NEGR1: variants seen among roughly 807,000 people sequenced by gnomAD.
NEGR1 encodes the protein IgLON family member 4.
A neutral mutation model predicts 40.9 loss-of-function variants in NEGR1; 10 were observed. The ratio of observed to expected loss-of-function variants is 0.24; its 90% CI spans 0.15 to 0.42. The LOEUF is 0.42. Ranked by LOEUF, NEGR1 falls within the 10% of genes least tolerant of loss-of-function variation. NEGR1 has a pLI of 1.00. For synonymous variants in NEGR1, 185 were observed against 166.8 expected (o/e 1.11, Z -0.84); for missense variants, 352 against 438.9 (o/e 0.80, Z 1.77).
chr1:71,599,052 T>C (rs894352523), intron 5 of NEGR1, among the ~76,000 whole-genome samples: 1 of 152,222 alleles, frequency 6.6e-6, no homozygotes, highest in Non-Finnish European at 1.5e-5. Flanking sequence ...TCTGAATGAA[T>C]TATGTTTTTA....
chr1:71,790,893 G>A (rs1570350792), intron 2 of NEGR1, among the ~76,000 whole-genome samples: 1 of 152,000 alleles, frequency 6.6e-6, no homozygotes, highest in East Asian at 1.9e-4. Flanking sequence ...ATTAGCAACT[G>A]AAAAATGAGA....
intron 2 of NEGR1, among the ~76,000 whole-genome samples, chr1:71,804,665 A>G (rs1179394499): frequency 6.6e-6 from 1 of 152,218 alleles, no homozygotes; most frequent in East Asian, 1.9e-4. Flanking sequence ...GTGATTTCCT[A>G]TGCCTGTCTT....
At chr1:71,912,601 A>G (rs1212463544) in intron 2 of NEGR1, among the ~76,000 whole-genome samples, 2 of 152,140 alleles carry the variant, frequency 1.3e-5, no homozygotes, top group African/African-American at 4.8e-5. Context: ...TATGATTTGT[A>G]TGTCTTAAAG....
At chr1:72,188,043 T>C (rs1478392069) in intron 1 of NEGR1, among the ~76,000 whole-genome samples, 1 of 151,464 alleles carries the variant, frequency 6.6e-6, no homozygotes, top group African/African-American at 2.4e-5. Flanking sequence ...ATTCTAAGGA[T>C]TAGAATAGTT....
chr1:71,859,816 C>T (rs1006128019), intron 2 of NEGR1, among the ~76,000 whole-genome samples: 3 of 152,082 alleles, frequency 2.0e-5, no homozygotes, highest in African/African-American at 7.2e-5. Flanking sequence ...TGACACTCAA[C>T]AAAATTGTAT....
chr1:71,735,020 G>A (rs1224400304), intron 3 of NEGR1, among the ~76,000 whole-genome samples: 1 of 151,804 alleles, frequency 6.6e-6, no homozygotes, highest in African/African-American at 2.4e-5. Flanking sequence ...CTGTTACTCT[G>A]TTACTCCTTT....
intron 6 of NEGR1, among the ~76,000 whole-genome samples, chr1:71,449,615 T>A (rs1033724399): frequency 1.3e-5 from 2 of 152,230 alleles, no homozygotes; most frequent in Non-Finnish European, 1.5e-5. Flanking sequence ...TTAAATTATG[T>A]GCTAGTGTCA....
At chr1:71,644,290 G>A (rs1004532806) in intron 4 of NEGR1, among the ~76,000 whole-genome samples, 1 of 151,858 alleles carries the variant, frequency 6.6e-6, no homozygotes, top group African/African-American at 2.4e-5. Context: ...CTAGCTTCCT[G>A]CTTCCTTCTA....
chr1:71,951,688 C>T (rs1412482875), intron 1 of NEGR1, among the ~76,000 whole-genome samples: 1 of 151,868 alleles, frequency 6.6e-6, no homozygotes, highest in African/African-American at 2.4e-5. Flanking sequence ...GATAGAAGTA[C>T]AGGCATACCT....
intron 6 of NEGR1, among the ~76,000 whole-genome samples, chr1:71,482,132 C>T (rs965511479): frequency 3.3e-5 from 5 of 151,824 alleles, no homozygotes; most frequent in Admixed American, 6.6e-5. Context: ...TTTTAAAGCA[C>T]TGTTAACTCC....
intron 1 of NEGR1, among the ~76,000 whole-genome samples, chr1:72,048,093 A>G (rs996252532): frequency 6.6e-6 from 1 of 151,516 alleles, no homozygotes; most frequent in African/African-American, 2.4e-5. Context: ...TTTCTATTTC[A>G]CAACTTCCAC....
At chr1:71,758,885 C>T (rs1655835881) in intron 3 of NEGR1, among the ~76,000 whole-genome samples, 1 of 152,142 alleles carries the variant, frequency 6.6e-6, no homozygotes, top group African/African-American at 2.4e-5. Flanking sequence ...TAAAATTAGC[C>T]TTGATGAATA....
At chr1:71,583,855 TA>T (rs1649213417) in intron 6 of NEGR1, among the ~76,000 whole-genome samples, 1 of 151,838 alleles carries the variant, frequency 6.6e-6, no homozygotes, top group Non-Finnish European at 1.5e-5. Flanking sequence ...CCTCACTAAT[TA>T]AGCAGCTCCA....
chr1:72,045,261 G>A (rs935506474), intron 1 of NEGR1, among the ~76,000 whole-genome samples: 1 of 151,792 alleles, frequency 6.6e-6, no homozygotes, highest in African/African-American at 2.4e-5. Context: ...AGTATTATGA[G>A]ACAATCTTTA....
rs112435451 is a variant in NEGR1 at position 71,490,822 on chromosome 1, G to A, written c.941-83252C>T. 3.8e-4 allele frequency among the ~76,000 whole-genome samples: 58 copies of A among 152,048 alleles called. 1 individual carries two copies. Among genetic ancestry groups the A allele is most frequent in the Non-Finnish European group, 1.0e-4 (7 of 67,970 alleles). ...TAACGGCTGTTCACAGAACACAGCT[G>A]AAACACTGGACAGAACTGGCTCCTT... On this transcript the variant is annotated intron_variant, in intron 6 of 6. Coordinates refer to ENST00000357731, the MANE Select transcript of NEGR1 (RefSeq NM_173808.3).
intron 3 of NEGR1, among the ~76,000 whole-genome samples, chr1:71,712,007 A>G (rs1424691117): frequency 6.6e-6 from 1 of 152,216 alleles, no homozygotes; most frequent in African/African-American, 2.4e-5. Flanking sequence ...AGTTGTTCCA[A>G]GAGGGTGGAG....
intron 1 of NEGR1, among the ~76,000 whole-genome samples, chr1:72,013,416 A>G (rs1392270388): frequency 1.3e-5 from 2 of 152,114 alleles, no homozygotes; most frequent in Admixed American, 6.6e-5. Flanking sequence ...GTTCTGGGAG[A>G]GATCAGAGAG....
At chr1:71,670,789 A>G (rs753476116) in intron 4 of NEGR1, among the ~76,000 whole-genome samples, 4 of 152,050 alleles carry the variant, frequency 2.6e-5, no homozygotes, top group East Asian at 1.9e-4. Flanking sequence ...TTTCTGGCCC[A>G]TAGATATGTC....
intron 1 of NEGR1, among the ~76,000 whole-genome samples, chr1:72,034,884 T>C (rs1274359709): frequency 6.6e-6 from 1 of 152,130 alleles, no homozygotes; most frequent in Non-Finnish European, 1.5e-5. Flanking sequence ...CTGATAGATA[T>C]GCAAACTAGG....
Sources: allele counts gnomAD v4.1 joint callset (sites outside exome capture counted in the v4.1 genomes callset), GRCh38; gene constraint gnomAD v4.1.1; transcripts MANE v1.5; gene names NCBI Gene and HGNC (gene_info 2026-07-23, HGNC 2026-07-21).